CSMD1: variants seen among roughly 807,000 people sequenced by gnomAD.
CSMD1 encodes the protein CUB and sushi domain-containing protein 1.
In CSMD1, 213 loss-of-function variants were observed where a neutral mutation model predicts 417.5. That is an observed-to-expected ratio of 0.51 (90% CI 0.46 to 0.57). The LOEUF is 0.57. CSMD1 is among the 20% of genes least tolerant of loss of function. The pLI, the probability that CSMD1 is intolerant of heterozygous loss-of-function variation, is 0.00. For synonymous variants in CSMD1, 2,862 were observed against 1,736.8 expected (o/e 1.65, Z -16.11); for missense variants, 6,923 against 4,529.7 (o/e 1.53, Z -15.17).
chr8:4,870,322 A>G (rs915186992), intron 1 of CSMD1, among the ~76,000 whole-genome samples: 9 of 152,156 alleles, frequency 5.9e-5, no homozygotes, highest in African/African-American at 2.2e-4. Context: ...ATCACTTTTG[A>G]AAACTAGGCA....
chr8:2,936,402 T>C lies in CSMD1; in HGVS notation c.*2183A>G, dbSNP rs1801488902. 1 of 151,426 alleles carries C rather than the reference T, an allele frequency of 6.6e-6. No homozygotes were observed. Among genetic ancestry groups the C allele is most frequent in the Admixed American group, 6.6e-5 (1 of 15,138 alleles). The allele number at this position is 151,426 out of a possible 1,614,324, so 9.4% of individuals were successfully genotyped here. A position where few individuals can be genotyped will look rare whatever the true frequency, so the allele number is the denominator to read the frequency against. ...ATATATATATATGTATGTATATATA[T>C]ACACTAATATGTATAGTAACCCTGT... On this transcript the variant is annotated 3_prime_UTR_variant, in exon 70 of 70. Coordinates refer to ENST00000635120, the MANE Select transcript of CSMD1 (RefSeq NM_033225.6).
At chr8:4,952,420 T>G (rs1023109053) in intron 1 of CSMD1, among the ~76,000 whole-genome samples, 2 of 152,068 alleles carry the variant, frequency 1.3e-5, no homozygotes, top group Non-Finnish European at 2.9e-5. Context: ...TGGAAGAGTC[T>G]ATATTAGTGA....
chr8:3,460,123 A>C (rs1364086589), intron 12 of CSMD1, among the ~76,000 whole-genome samples: 13 of 152,164 alleles, frequency 8.5e-5, no homozygotes, highest in Non-Finnish European at 2.9e-5. Context: ...GGATGGAGGC[A>C]GCTCAGGGTG....
At chr8:4,024,020 T>A (rs1209085953) in intron 4 of CSMD1, among the ~76,000 whole-genome samples, 1 of 152,082 alleles carries the variant, frequency 6.6e-6, no homozygotes, top group Non-Finnish European at 1.5e-5. Flanking sequence ...ACTGCAAAGG[T>A]TCTATTGCAA....
chr8:4,514,427 T>C (rs1241820311), intron 2 of CSMD1, among the ~76,000 whole-genome samples: 2 of 152,170 alleles, frequency 1.3e-5, no homozygotes, highest in African/African-American at 4.8e-5. Flanking sequence ...CAGATCTGAA[T>C]GCCACAGGAA....
chr8:4,368,990 T>G (rs1013040241), intron 3 of CSMD1, among the ~76,000 whole-genome samples: 7 of 152,128 alleles, frequency 4.6e-5, no homozygotes, highest in African/African-American at 1.4e-4. Flanking sequence ...TCTGCTATGT[T>G]TGGGGATGGT....
At chr8:3,924,138 A>C (rs990221883) in intron 5 of CSMD1, among the ~76,000 whole-genome samples, 1 of 152,186 alleles carries the variant, frequency 6.6e-6, no homozygotes, top group African/African-American at 2.4e-5. Context: ...CTCTCCATTT[A>C]TGAAGGACAG....
chr8:4,391,635 C>G (rs1243962406), intron 3 of CSMD1, among the ~76,000 whole-genome samples: 1 of 152,040 alleles, frequency 6.6e-6, no homozygotes, highest in Non-Finnish European at 1.5e-5. Flanking sequence ...GTGAAATACA[C>G]TGCTGGGTTG....
At chr8:3,238,260 T>C (rs1490653451) in intron 26 of CSMD1, among the ~76,000 whole-genome samples, 2 of 151,982 alleles carry the variant, frequency 1.3e-5, no homozygotes, top group African/African-American at 4.8e-5. Context: ...TTTCACAAGA[T>C]AATGTCATCA....
At chr8:3,241,114 A>T (rs1436808870) in intron 26 of CSMD1, among the ~76,000 whole-genome samples, 3 of 151,378 alleles carry the variant, frequency 2.0e-5, no homozygotes, top group African/African-American at 7.3e-5. Flanking sequence ...ATTGGGAAGA[A>T]GGGCGGCAAT....
intron 5 of CSMD1, among the ~76,000 whole-genome samples, chr8:3,793,522 G>A (rs1270098970): frequency 6.7e-6 from 1 of 149,470 alleles, no homozygotes; most frequent in Non-Finnish European, 1.5e-5. Flanking sequence ...TGGATCTCTG[G>A]ATTCGATCTC....
chr8:3,742,129 T>C (rs1423383746), intron 6 of CSMD1, among the ~76,000 whole-genome samples: 2 of 152,148 alleles, frequency 1.3e-5, no homozygotes, highest in African/African-American at 4.8e-5. Context: ...AGTCTATTTG[T>C]CTATCCACCT....
chr8:4,483,165 G>A (rs1209471492), intron 2 of CSMD1, among the ~76,000 whole-genome samples: 2 of 152,036 alleles, frequency 1.3e-5, no homozygotes, highest in Non-Finnish European at 2.9e-5. Flanking sequence ...TTTGATAAGG[G>A]GTAATCCATT....
In CSMD1 at chr8:3,493,622, C is replaced by T; in HGVS notation, c.1448+1G>A. 1 of 1,606,296 alleles carries T rather than the reference C, an allele frequency of 6.2e-7. No homozygotes were observed. The highest frequency in any genetic ancestry group is 8.5e-7 in the Non-Finnish European group (1 of 1,176,116). On this transcript the variant is annotated splice_donor_variant, in intron 11 of 69. Transcript: ENST00000635120. LOFTEE classifies it high-confidence loss of function. ...AAGAAGAAGCTCAAGGACATACTCA[C>T]ACGTACAAGACCGATCTGGTGTCTC...
At chr8:4,179,563 A>C (rs75013274) in intron 3 of CSMD1, among the ~76,000 whole-genome samples, 39,261 of 146,480 alleles carry the variant, frequency 0.27, 5,681 homozygotes, top group South Asian at 0.4. Context: ...ACAACAAAAG[A>C]CAAAATTGAC....
intron 3 of CSMD1, among the ~76,000 whole-genome samples, chr8:4,395,366 G>A (rs1432809027): frequency 1.3e-5 from 2 of 152,138 alleles, no homozygotes; most frequent in African/African-American, 4.8e-5. Flanking sequence ...GACTAGGGGA[G>A]TAGTCCCAAT....
intron 2 of CSMD1, among the ~76,000 whole-genome samples, chr8:4,463,541 T>C (rs1450259499): frequency 6.6e-6 from 1 of 152,152 alleles, no homozygotes; most frequent in Non-Finnish European, 1.5e-5. Flanking sequence ...AAACATGGTC[T>C]ATATCCATCA....
intron 1 of CSMD1, among the ~76,000 whole-genome samples, chr8:4,719,991 G>A (rs1156281630): frequency 2.0e-5 from 3 of 151,922 alleles, no homozygotes; most frequent in Admixed American, 1.3e-4. Flanking sequence ...AAAATAATCA[G>A]TCATTCTCAC....
At chr8:4,149,822 C>G (rs937927696) in intron 3 of CSMD1, among the ~76,000 whole-genome samples, 11 of 152,322 alleles carry the variant, frequency 7.2e-5, no homozygotes, top group African/African-American at 2.4e-4. Flanking sequence ...TAAAATACCA[C>G]TTTAATTGGT....
Sources: allele counts gnomAD v4.1 joint callset (sites outside exome capture counted in the v4.1 genomes callset), GRCh38; gene constraint gnomAD v4.1.1; transcripts MANE v1.5; gene names NCBI Gene and HGNC (gene_info 2026-07-23, HGNC 2026-07-21).